DPP10: variants seen among roughly 807,000 people sequenced by gnomAD.
DPP10 encodes the protein inactive dipeptidyl peptidase 10.
In DPP10, 33 loss-of-function variants were observed where a neutral mutation model predicts 120.9. That is an observed-to-expected ratio of 0.27 (90% CI 0.21 to 0.37). The LOEUF (loss-of-function observed/expected upper bound fraction) is 0.37. Ranked by LOEUF, DPP10 falls within the 10% of genes least tolerant of loss-of-function variation. The pLI, the probability that DPP10 is intolerant of heterozygous loss-of-function variation, is 1.00. For missense variants in DPP10, 816 were observed against 942.8 expected (o/e 0.87, Z 1.76); for synonymous variants, 337 against 326.1 (o/e 1.03, Z -0.36).
At chr2:114,828,254 G>T (rs538283331) in intron 1 of DPP10, among the ~76,000 whole-genome samples, 14 of 152,286 alleles carry the variant, frequency 9.2e-5, no homozygotes, top group African/African-American at 3.4e-4. Flanking sequence ...ATAATGGGTA[G>T]ATGTTCTCAA....
chr2:115,421,038 C>T (rs1378241329), intron 3 of DPP10, among the ~76,000 whole-genome samples: 1 of 151,836 alleles, frequency 6.6e-6, no homozygotes, highest in Non-Finnish European at 1.5e-5. Flanking sequence ...GCTGCTGCAG[C>T]CTCTATTCCA....
intron 1 of DPP10, among the ~76,000 whole-genome samples, chr2:115,225,858 G>C (rs1234293888): frequency 6.6e-6 from 1 of 151,846 alleles, no homozygotes; most frequent in Non-Finnish European, 1.5e-5. Flanking sequence ...AAGGGTAGAG[G>C]AGAAGAGAAC....
intron 1 of DPP10, among the ~76,000 whole-genome samples, chr2:115,265,656 G>A (rs1478327826): frequency 2.0e-5 from 3 of 152,140 alleles, no homozygotes; most frequent in African/African-American, 7.2e-5. Flanking sequence ...TGAATTCAGT[G>A]TATAATAGCA....
chr2:114,726,915 T>A (rs1330985159), intron 1 of DPP10, among the ~76,000 whole-genome samples: 1 of 152,222 alleles, frequency 6.6e-6, no homozygotes, highest in Non-Finnish European at 1.5e-5. Context: ...TACATAAATA[T>A]AGTTTGAATT....
At chr2:114,454,246 A>G (rs997354884) in intron 1 of DPP10, among the ~76,000 whole-genome samples, 1 of 152,196 alleles carries the variant, frequency 6.6e-6, no homozygotes, top group Non-Finnish European at 1.5e-5. Flanking sequence ...CACCACTACC[A>G]TCCTTGCTGT....
At chr2:115,561,357 A>C (rs12995482) in intron 5 of DPP10, among the ~76,000 whole-genome samples, 1 of 100,816 alleles carries the variant, frequency 9.9e-6, no homozygotes, top group Non-Finnish European at 2.0e-5. Flanking sequence ...AGACTCCATC[A>C]CAAAAAAAAA....
At chr2:114,997,838 C>A (rs949286553) in intron 1 of DPP10, among the ~76,000 whole-genome samples, 6 of 152,104 alleles carry the variant, frequency 3.9e-5, no homozygotes, top group African/African-American at 1.4e-4. Context: ...TTTTTTAGAT[C>A]TTAGAATATT....
intron 1 of DPP10, among the ~76,000 whole-genome samples, chr2:115,001,384 GA>G (rs1311203833): frequency 1.3e-5 from 2 of 152,130 alleles, no homozygotes; most frequent in Non-Finnish European, 2.9e-5. Context: ...ACTAGGAATT[GA>G]AGGAACATAC....
chr2:114,750,295 A>G (rs554663968), intron 1 of DPP10, among the ~76,000 whole-genome samples: 209 of 151,974 alleles, frequency 1.4e-3, no homozygotes, highest in African/African-American at 4.9e-3. Context: ...ACCCCAGACC[A>G]GATTAATCAG....
At chr2:115,713,771 T>C (rs1335818792) in intron 7 of DPP10, among the ~76,000 whole-genome samples, 2 of 152,192 alleles carry the variant, frequency 1.3e-5, no homozygotes, top group African/African-American at 4.8e-5. Flanking sequence ...CTTTTTCCCC[T>C]CTTTGGATTA....
intron 1 of DPP10, among the ~76,000 whole-genome samples, chr2:114,976,443 C>T (rs1302703430): frequency 6.6e-6 from 1 of 152,044 alleles, no homozygotes; most frequent in African/African-American, 2.4e-5. Context: ...AATTTTTTCC[C>T]AAGAAAAATG....
intron 1 of DPP10, among the ~76,000 whole-genome samples, chr2:114,743,291 C>T (rs756336810): frequency 6.6e-6 from 1 of 151,968 alleles, no homozygotes; most frequent in Non-Finnish European, 1.5e-5. Flanking sequence ...CCTGATTCCC[C>T]AACTGTCTTC....
intron 3 of DPP10, among the ~76,000 whole-genome samples, chr2:115,348,229 C>T (rs1194389549): frequency 6.6e-6 from 1 of 152,106 alleles, no homozygotes; most frequent in Non-Finnish European, 1.5e-5. Context: ...ATGTTGAATA[C>T]TACAATAATA....
intron 1 of DPP10, among the ~76,000 whole-genome samples, chr2:114,743,421 G>GA (rs11355689): frequency 0.014 from 2,032 of 147,924 alleles, 17 homozygotes; most frequent in Non-Finnish European, 0.023. Context: ...CATGGAAATA[G>GA]AAAAAAAAAA....
At chr2:115,148,040 C>G (rs746945088) in intron 1 of DPP10, among the ~76,000 whole-genome samples, 2 of 152,094 alleles carry the variant, frequency 1.3e-5, no homozygotes, top group African/African-American at 4.8e-5. Flanking sequence ...TCTTGAACCC[C>G]ATTTGCAGCT....
At chr2:115,287,022 A>T (rs2060432960) in intron 1 of DPP10, among the ~76,000 whole-genome samples, 1 of 152,050 alleles carries the variant, frequency 6.6e-6, no homozygotes, top group South Asian at 2.1e-4. Context: ...TACATTTATG[A>T]TCTAGAATAA....
At chr2:114,840,271 T>A (rs1185155151) in intron 1 of DPP10, among the ~76,000 whole-genome samples, 1 of 152,128 alleles carries the variant, frequency 6.6e-6, no homozygotes, top group Non-Finnish European at 1.5e-5. Context: ...ATGAGAACAA[T>A]GTTTGAAAGG....
chr2:115,698,053 C>T (rs922725668), intron 7 of DPP10, among the ~76,000 whole-genome samples: 1 of 152,052 alleles, frequency 6.6e-6, no homozygotes, highest in African/African-American at 2.4e-5. Context: ...GAACACTCAA[C>T]CTAACAACAG....
chr2:115,265,045 A>G (rs544584996), intron 1 of DPP10, among the ~76,000 whole-genome samples: 8 of 152,206 alleles, frequency 5.3e-5, no homozygotes, highest in African/African-American at 1.9e-4. Context: ...AAACTTCTGT[A>G]CATTGCACTT....
Sources: allele counts gnomAD v4.1 joint callset (sites outside exome capture counted in the v4.1 genomes callset), GRCh38; gene constraint gnomAD v4.1.1; transcripts MANE v1.5; gene names NCBI Gene and HGNC (gene_info 2026-07-23, HGNC 2026-07-21).